Variants in GALNTL6 observed in about 807,000 individuals in gnomAD.
GALNTL6 encodes the protein polypeptide N-acetylgalactosaminyltransferase-like 6.
Under a neutral mutation model 73.7 loss-of-function variants are expected in GALNTL6, and 46 were observed. That is an observed-to-expected ratio of 0.62 (90% CI 0.49 to 0.80). The LOEUF is 0.80. GALNTL6 is among the 30% of genes least tolerant of loss of function. The pLI, the probability that GALNTL6 is intolerant of heterozygous loss-of-function variation, is 0.00. For synonymous variants in GALNTL6, 259 were observed against 263.7 expected, an observed-to-expected ratio of 0.98 and a Z score of 0.17; for missense variants, 604 against 755.0, an observed-to-expected ratio of 0.80 and a Z score of 2.34.
chr4:172,005,427 T>TTTTG (rs1436462690), intron 2 of GALNTL6, among the ~76,000 whole-genome samples: 1 of 152,096 alleles, frequency 6.6e-6, no homozygotes, highest in East Asian at 1.9e-4. Flanking sequence ...GCCCCAGGAC[T>TTTTG]TAAAAAGCTT....
intron 2 of GALNTL6, among the ~76,000 whole-genome samples, chr4:171,824,725 TG>T (rs1198278792): frequency 6.6e-6 from 1 of 152,206 alleles, no homozygotes; most frequent in African/African-American, 2.4e-5. Flanking sequence ...GATACATTTT[TG>T]CATTTTTATT....
intron 5 of GALNTL6, among the ~76,000 whole-genome samples, chr4:172,561,326 G>T (rs1736357282): frequency 6.8e-6 from 1 of 146,968 alleles, no homozygotes; most frequent in Non-Finnish European, 1.5e-5. Flanking sequence ...GAAGAAGCCA[G>T]ATCTGAACCT....
chr4:172,227,417 C>T lies in GALNTL6; in HGVS notation c.139-2239C>T, dbSNP rs111724124. ...CTGTTTCTGGTGGCCTGAGAACATACCATTGACGCTCCAGTCTTCTATGGG... is the reference window on the plus strand; with the variant it reads ...CTGTTTCTGGTGGCCTGAGAACATATCATTGACGCTCCAGTCTTCTATGGG... On this transcript the variant is annotated intron_variant, in intron 2 of 12. Coordinates refer to ENST00000506823, the MANE Select transcript of GALNTL6 (RefSeq NM_001034845.3). 4.6e-5 allele frequency among the ~76,000 whole-genome samples: 7 copies of T among 152,250 alleles called. No homozygotes were observed. In the East Asian group the frequency reaches 1.4e-3, roughly 29 times the overall value.
At chr4:172,758,956 T>G (rs1465074388) in intron 5 of GALNTL6, among the ~76,000 whole-genome samples, 1 of 152,210 alleles carries the variant, frequency 6.6e-6, no homozygotes, top group Non-Finnish European at 1.5e-5. Flanking sequence ...ATGCATTTTA[T>G]CAGTCCACTC....
intron 3 of GALNTL6, among the ~76,000 whole-genome samples, chr4:172,242,537 T>G (rs1307561805): frequency 1.3e-5 from 2 of 152,180 alleles, no homozygotes; most frequent in Admixed American, 1.3e-4. Flanking sequence ...TTCTATATGA[T>G]CTATTTTGTT....
At chr4:172,476,281 G>GGCAGTTTCCTGAGGCCTCTTTT (rs1733227391) in intron 5 of GALNTL6, among the ~76,000 whole-genome samples, 2 of 152,204 alleles carry the variant, frequency 1.3e-5, no homozygotes, top group South Asian at 4.1e-4. Flanking sequence ...GAAGGAGCAA[G>GGCAGTTTCCTGAGGCCTCTTTT]GCAGTTTCCT....
intron 5 of GALNTL6, among the ~76,000 whole-genome samples, chr4:172,429,175 A>AGTATT (rs1194180515): frequency 0.022 from 296 of 13,330 alleles, 2 homozygotes; most frequent in African/African-American, 0.05. Flanking sequence ...ATTTTGTTTT[A>AGTATT]TTATTTTATT....
intron 5 of GALNTL6, among the ~76,000 whole-genome samples, chr4:172,370,242 C>G (rs1472192475): frequency 6.6e-6 from 1 of 152,060 alleles, no homozygotes; most frequent in East Asian, 1.9e-4. Flanking sequence ...TTTGTAAGAC[C>G]TTCTGTATGT....
intron 7 of GALNTL6, among the ~76,000 whole-genome samples, chr4:172,842,939 A>G (rs1429356962): frequency 1.3e-5 from 2 of 152,202 alleles, no homozygotes; most frequent in Non-Finnish European, 1.5e-5. Flanking sequence ...ACAAATGGAC[A>G]GAGAATAACG....
intron 2 of GALNTL6, among the ~76,000 whole-genome samples, chr4:172,086,459 T>G (rs910288709): frequency 6.6e-6 from 1 of 152,160 alleles, no homozygotes; most frequent in South Asian, 2.1e-4. Flanking sequence ...GACTTTAAAC[T>G]TGATTTTAAA....
intron 2 of GALNTL6, among the ~76,000 whole-genome samples, chr4:171,842,857 G>A (rs1579502314): frequency 6.6e-6 from 1 of 152,168 alleles, no homozygotes; most frequent in Middle Eastern, 3.4e-3. Flanking sequence ...ATCACTTGGT[G>A]GTACCACTTA....
chr4:172,843,607 A>G (rs1005572779), intron 7 of GALNTL6, among the ~76,000 whole-genome samples: 2 of 152,128 alleles, frequency 1.3e-5, no homozygotes, highest in African/African-American at 4.8e-5. Context: ...AATAGCAGTC[A>G]TTTGGCTTTC....
intron 5 of GALNTL6, among the ~76,000 whole-genome samples, chr4:172,402,097 T>C (rs549571496): frequency 2.6e-5 from 4 of 152,258 alleles, no homozygotes; most frequent in East Asian, 1.9e-4. Flanking sequence ...ATGATACTTC[T>C]ACTTCACATG....
At chr4:172,873,289 A>G (rs1258604747) in intron 7 of GALNTL6, among the ~76,000 whole-genome samples, 1 of 152,238 alleles carries the variant, frequency 6.6e-6, no homozygotes, top group African/African-American at 2.4e-5. Context: ...AAAGACTCTC[A>G]ACATTCAGTG....
chr4:172,877,264 G>A (rs1339969776), intron 7 of GALNTL6, among the ~76,000 whole-genome samples: 2 of 152,108 alleles, frequency 1.3e-5, no homozygotes, highest in African/African-American at 2.4e-5. Flanking sequence ...GTCTGAAAAT[G>A]TGAGAAAGTA....
chr4:171,883,098 C>T (rs1167112076), intron 2 of GALNTL6, among the ~76,000 whole-genome samples: 3 of 152,088 alleles, frequency 2.0e-5, no homozygotes, highest in Non-Finnish European at 4.4e-5. Context: ...CACCTGTAAT[C>T]CCAGCACTCT....
intron 2 of GALNTL6, among the ~76,000 whole-genome samples, chr4:171,874,373 C>A (rs181659945): frequency 7.7e-4 from 117 of 151,934 alleles, no homozygotes; most frequent in African/African-American, 2.5e-3. Context: ...TATTTTTAGT[C>A]GAGACAGGGT....
chr4:172,699,444 C>T (rs1733896327), intron 5 of GALNTL6, among the ~76,000 whole-genome samples: 2 of 152,122 alleles, frequency 1.3e-5, no homozygotes, highest in Non-Finnish European at 2.9e-5. Flanking sequence ...TTCATAGTGA[C>T]TTTCACAGCT....
intron 11 of GALNTL6, among the ~76,000 whole-genome samples, chr4:173,021,130 TCTGTCTTTCCTCC>T (rs1210600793): frequency 6.6e-6 from 1 of 152,056 alleles, no homozygotes; most frequent in Non-Finnish European, 1.5e-5. Flanking sequence ...CCCTCTCCCC[TCTGTCTTTCCTCC>T]CTCTGTCCTC....
Sources: gnomAD v4.1 joint callset for allele counts (sites outside exome capture counted in the v4.1 genomes callset) on GRCh38, gnomAD v4.1.1 for gene constraint, MANE v1.5 for transcripts, NCBI Gene and HGNC (gene_info 2026-07-23, HGNC 2026-07-21) for gene names.